ADAMTS19: variants seen among roughly 807,000 people sequenced by gnomAD.
The protein encoded by ADAMTS19 is A disintegrin and metalloproteinase with thrombospondin motifs 19.
ADAMTS19 carries 93 observed loss-of-function variants against 153.3 expected under a neutral mutation model. That is an observed-to-expected ratio of 0.61 (90% CI 0.51 to 0.72). The LOEUF (loss-of-function observed/expected upper bound fraction) is 0.72. Among genes scored for constraint, ADAMTS19 ranks in the 30% least tolerant of loss-of-function variants. The pLI is 0.00. For synonymous variants in ADAMTS19, 600 were observed against 556.6 expected, an observed-to-expected ratio of 1.08 and a Z score of -1.10; for missense variants, 1,482 against 1,552.1, an observed-to-expected ratio of 0.95 and a Z score of 0.76.
chr5:129,639,494 A>G (rs1752698927), intron 10 of ADAMTS19, among the ~76,000 whole-genome samples: 1 of 152,148 alleles, frequency 6.6e-6, no homozygotes, highest in African/African-American at 2.4e-5. Flanking sequence ...CTACGTGACC[A>G]TGCTTCTTTT....
At chr5:129,613,794 C>G (rs1231754917) in intron 8 of ADAMTS19, among the ~76,000 whole-genome samples, 1 of 151,758 alleles carries the variant, frequency 6.6e-6, no homozygotes, top group Non-Finnish European at 1.5e-5. Flanking sequence ...GCTAGCGAGA[C>G]TAATAAAGAA....
intron 18 of ADAMTS19, among the ~76,000 whole-genome samples, chr5:129,693,020 G>C (rs1168956438): frequency 6.6e-6 from 1 of 152,116 alleles, no homozygotes; most frequent in African/African-American, 2.4e-5. Context: ...ACTGTTGATT[G>C]AACTAAAGGT....
intron 10 of ADAMTS19, among the ~76,000 whole-genome samples, chr5:129,634,264 A>T (rs1284615599): frequency 6.6e-6 from 1 of 152,156 alleles, no homozygotes; most frequent in East Asian, 1.9e-4. Flanking sequence ...AGAAATAGAA[A>T]ATACTGCTCA....
chr5:129,546,674 G>A (rs1279442993), intron 6 of ADAMTS19, among the ~76,000 whole-genome samples: 2 of 150,880 alleles, frequency 1.3e-5, no homozygotes, highest in Non-Finnish European at 2.9e-5. Context: ...AAAAATGAAA[G>A]CAAAAGAAAA....
chr5:129,581,000 G>T (rs1749487803), intron 7 of ADAMTS19, among the ~76,000 whole-genome samples: 1 of 152,182 alleles, frequency 6.6e-6, no homozygotes, highest in African/African-American at 2.4e-5. Context: ...AGTAGTTTCA[G>T]AAAGAATGGT....
chr5:129,648,160 T>A (rs1388458516), intron 12 of ADAMTS19, among the ~76,000 whole-genome samples: 1 of 152,140 alleles, frequency 6.6e-6, no homozygotes, highest in Non-Finnish European at 1.5e-5. Context: ...AACAGGAAGA[T>A]GTGTATTAGA....
At chr5:129,716,622 C>G (rs979343102) in intron 21 of ADAMTS19, among the ~76,000 whole-genome samples, 1 of 150,778 alleles carries the variant, frequency 6.6e-6, no homozygotes, top group Non-Finnish European at 1.5e-5. Context: ...CCCTACCTAC[C>G]CAGGCTAGAA....
intron 21 of ADAMTS19, among the ~76,000 whole-genome samples, chr5:129,711,877 C>A (rs2127181762): frequency 6.6e-6 from 1 of 152,122 alleles, no homozygotes; most frequent in African/African-American, 2.4e-5. Flanking sequence ...TAAAGTATTT[C>A]TCCTTTCTTT....
intron 6 of ADAMTS19, among the ~76,000 whole-genome samples, chr5:129,536,633 T>C (rs1446094731): frequency 6.6e-6 from 1 of 152,142 alleles, no homozygotes; most frequent in Non-Finnish European, 1.5e-5. Flanking sequence ...TGCGGCACTA[T>C]TCACAATAGC....
At chr5:129,693,653 A>G (rs973533198) in intron 18 of ADAMTS19, among the ~76,000 whole-genome samples, 15 of 152,234 alleles carry the variant, frequency 9.9e-5, no homozygotes, top group African/African-American at 2.9e-4. Flanking sequence ...ATTAGCACAT[A>G]CTTACTAGAC....
intron 2 of ADAMTS19, among the ~76,000 whole-genome samples, chr5:129,472,861 C>G (rs1280630257): frequency 1.3e-5 from 2 of 150,748 alleles, no homozygotes; most frequent in Non-Finnish European, 3.0e-5. Flanking sequence ...ATCAGAAATA[C>G]AAGAAGAAAT....
intron 7 of ADAMTS19, among the ~76,000 whole-genome samples, chr5:129,594,084 A>T (rs1287479261): frequency 6.6e-6 from 1 of 152,286 alleles, no homozygotes; most frequent in East Asian, 1.9e-4. Context: ...AACTGTAAAC[A>T]TTCCTGTTAA....
chr5:129,703,105 T>C (rs1755989047), intron 20 of ADAMTS19, among the ~76,000 whole-genome samples: 1 of 150,638 alleles, frequency 6.6e-6, no homozygotes, highest in African/African-American at 2.4e-5. Context: ...ATTTAAAATG[T>C]CATTAGTTCC....
At chr5:129,537,540 T>C (rs11959454) in intron 6 of ADAMTS19, among the ~76,000 whole-genome samples, 16,033 of 152,068 alleles carry the variant, frequency 0.11, 1,119 homozygotes, top group East Asian at 0.37. Context: ...TGTCCAACAA[T>C]GATAGACTGG....
In ADAMTS19 at chr5:129,538,338, G is replaced by T. The variant is rs371446927; in HGVS notation, c.1328+9661G>T. Among the ~76,000 whole-genome samples the T allele has an allele frequency of 1.5e-3, 235 of 152,020 alleles. 3 individuals carry two copies. Among genetic ancestry groups the T allele is most frequent in the South Asian group, 9.0e-3 (43 of 4,804 alleles). On this transcript the variant is annotated intron_variant, in intron 6 of 22. Transcript: ENST00000274487. Reference sequence around the variant, plus strand: ...ATTAAATACATGGAGTTACATTATTGGGATCATAGTCTACATACAAGTTTT... The same window carrying T: ...ATTAAATACATGGAGTTACATTATTTGGATCATAGTCTACATACAAGTTTT...
At chr5:129,462,672 A>G (rs1749722556) in intron 2 of ADAMTS19, among the ~76,000 whole-genome samples, 1 of 152,164 alleles carries the variant, frequency 6.6e-6, no homozygotes, top group African/African-American at 2.4e-5. Flanking sequence ...TTCTAGATGT[A>G]CAGGTACGTG....
rs770216918 is a variant in ADAMTS19, at chr5:129,528,520, C to T, written c.1171C>T (p.Pro391Ser). 1.3e-6 allele frequency: 2 copies of T among 1,577,828 alleles called. No individual in the cohort carries two copies. The highest frequency in any genetic ancestry group is 4.7e-5 in the East Asian group (2 of 42,722). The change falls in exon 6 of 23, where the codon CCA (proline) becomes TCA (serine). Residue 391 changes from proline to serine, a missense_variant and splice_region_variant. Pro to Ser is a moderately conservative substitution (Grantham distance 74, BLOSUM62 -1). Coordinates refer to ENST00000274487, the MANE Select transcript of ADAMTS19 (RefSeq NM_133638.6). ...TGTGATGAGCTCTGTTCTTTTGCAGCCAGAACTATATATTGGGCATCATGG... is the reference window on the plus strand; with the variant it reads ...TGTGATGAGCTCTGTTCTTTTGCAGTCAGAACTATATATTGGGCATCATGG... ...IKLILLHETP[P>S]ELYIGHHGEK...
chr5:129,584,649 A>G (rs986041652), intron 7 of ADAMTS19, among the ~76,000 whole-genome samples: 8 of 152,086 alleles, frequency 5.3e-5, no homozygotes, highest in Non-Finnish European at 1.0e-4. Flanking sequence ...CAGAGCTGAG[A>G]TGTGGGCTAT....
chr5:129,622,066 CTA>C (rs1397240773), intron 9 of ADAMTS19, 130 bp from the exon 10 acceptor site: 2 of 819,864 alleles, frequency 2.4e-6, no homozygotes, highest in Non-Finnish European at 3.9e-6. Context: ...AGAATAATTT[CTA>C]TGAGTATTCA....
Sources: gnomAD v4.1 joint callset for allele counts (sites outside exome capture counted in the v4.1 genomes callset) on GRCh38, gnomAD v4.1.1 for gene constraint, MANE v1.5 for transcripts, NCBI Gene and HGNC (gene_info 2026-07-23, HGNC 2026-07-21) for gene names.